The following ZNF787 variants were observed in gnomAD, a reference collection of about 807,000 sequenced individuals.
The protein encoded by ZNF787 is zinc finger protein 787.
Under a neutral mutation model 16.9 loss-of-function variants are expected in ZNF787, and 7 were observed. The ratio of observed to expected loss-of-function variants is 0.42; its 90% confidence interval spans 0.24 to 0.78. The LOEUF is 0.78. Ranked by LOEUF, ZNF787 falls within the 30% of genes least tolerant of loss-of-function variation. The probability of loss-of-function intolerance (pLI) is 0.30; values close to 1 mark genes in which losing one functional copy is unlikely to be tolerated. For missense variants in ZNF787, 551 were observed against 589.3 expected (o/e 0.94, Z 0.67); for synonymous variants, 345 against 270.9 (o/e 1.27, Z -2.69).
At chr19:56,115,300 T>C (rs2030098965) in intron 1 of ZNF787, among the ~76,000 whole-genome samples, 1 of 150,928 alleles carries the variant, frequency 6.6e-6, no homozygotes, top group South Asian at 2.1e-4. Context: ...CGTTGTCCCG[T>C]GCTCTGGCCC....
chr19:56,103,309 A>G, intron 1 of ZNF787, 82 bp from the exon 2 acceptor site: 1 of 1,283,836 alleles, frequency 7.8e-7, no homozygotes, highest in Non-Finnish European at 1.1e-6. Flanking sequence ...GGCAGCCTGC[A>G]GACCCCGGCG....
rs1183477239 is a variant in ZNF787 at position 56,089,105 on chromosome 19, A to G, written c.80-13T>C. 1.4e-6 allele frequency: 2 copies of G among 1,450,352 alleles called. No individual in the cohort carries two copies. Among genetic ancestry groups the G allele is most frequent in the Non-Finnish European group, 1.8e-6 (2 of 1,104,262 alleles). The allele number at this position is 1,450,352 out of a possible 1,614,324, so 89.8% of individuals were successfully genotyped here. Reference sequence around the variant, plus strand: ...ATGAGGATGTCCACTGGAAAGCAAGAGGGTAGGGGGAGGTGAGTCAAGAGA... The same window carrying G: ...ATGAGGATGTCCACTGGAAAGCAAGGGGGTAGGGGGAGGTGAGTCAAGAGA... On this transcript the variant is annotated splice_polypyrimidine_tract_variant and intron_variant, in intron 2 of 2. Transcript: ENST00000610935.
intron 1 of ZNF787, among the ~76,000 whole-genome samples, chr19:56,109,702 A>C (rs775076111): frequency 1.3e-5 from 2 of 152,008 alleles, no homozygotes; most frequent in Non-Finnish European, 2.9e-5. Context: ...TGGCTAACAC[A>C]GTGAAACCCC....
intron 1 of ZNF787, among the ~76,000 whole-genome samples, chr19:56,103,655 C>A (rs973076016): frequency 6.6e-6 from 1 of 152,232 alleles, no homozygotes; most frequent in East Asian, 1.9e-4. Context: ...AGTTCCCACA[C>A]CCCTGGCAGA....
At chr19:56,112,878 T>TTCCCCC in intron 1 of ZNF787, among the ~76,000 whole-genome samples, 1 of 126,468 alleles carries the variant, frequency 7.9e-6, no homozygotes, top group East Asian at 2.5e-4. Context: ...GACCAGCCGT[T>TTCCCCC]CCCCCCACCC....
At chr19:56,110,006 T>G (rs569340716) in intron 1 of ZNF787, among the ~76,000 whole-genome samples, 1 of 152,202 alleles carries the variant, frequency 6.6e-6, no homozygotes, top group Non-Finnish European at 1.5e-5. Flanking sequence ...AGGAATTACA[T>G]AGTGGTGATG....
chr19:56,096,937 A>AC (rs2123400224), intron 2 of ZNF787, among the ~76,000 whole-genome samples: 1 of 151,898 alleles, frequency 6.6e-6, no homozygotes, highest in Admixed American at 6.6e-5. Context: ...CCGGTCCCAC[A>AC]CCCCTCACCC....
chr19:56,089,426 C>T (rs879765940), intron 2 of ZNF787, among the ~76,000 whole-genome samples: 19 of 152,074 alleles, frequency 1.2e-4, no homozygotes, highest in Non-Finnish European at 2.4e-4. Flanking sequence ...AAAAGGACCC[C>T]GAAACCCAAA....
chr19:56,089,333 CCAGA>C (rs1300395512), intron 2 of ZNF787, among the ~76,000 whole-genome samples: 1 of 152,082 alleles, frequency 6.6e-6, no homozygotes, highest in Non-Finnish European at 1.5e-5. Context: ...GAACAATGCC[CCAGA>C]CACAGAAGGC....
intron 1 of ZNF787, among the ~76,000 whole-genome samples, chr19:56,109,443 G>A (rs1295059551): frequency 6.6e-6 from 1 of 152,158 alleles, no homozygotes; most frequent in Admixed American, 6.6e-5. Context: ...CGGGAGCTGA[G>A]GCTGAGAGAC....
At chr19:56,094,941 T>C (rs1010581179) in intron 2 of ZNF787, among the ~76,000 whole-genome samples, 1 of 152,012 alleles carries the variant, frequency 6.6e-6, no homozygotes, top group Non-Finnish European at 1.5e-5. Context: ...TGAAACCCCA[T>C]CTTAACTTAA....
At chr19:56,118,634 C>T (rs1012996241) in intron 1 of ZNF787, among the ~76,000 whole-genome samples, 1 of 152,196 alleles carries the variant, frequency 6.6e-6, no homozygotes, top group Non-Finnish European at 1.5e-5. Flanking sequence ...AGGCACTGGG[C>T]CAGGTTCCTG....
intron 1 of ZNF787, among the ~76,000 whole-genome samples, chr19:56,120,107 G>A (rs1388230869): frequency 1.3e-5 from 2 of 152,174 alleles, no homozygotes; most frequent in Non-Finnish European, 2.9e-5. Flanking sequence ...CTTGGATGGC[G>A]ACTCTGTCGC....
intron 1 of ZNF787, among the ~76,000 whole-genome samples, chr19:56,113,511 G>A (rs1254550038): frequency 2.0e-5 from 3 of 152,198 alleles, no homozygotes; most frequent in East Asian, 1.9e-4. Flanking sequence ...ATCCATGACC[G>A]TAATGGAACA....
At chr19:56,110,800 C>T (rs1198591654) in intron 1 of ZNF787, among the ~76,000 whole-genome samples, 1 of 152,324 alleles carries the variant, frequency 6.6e-6, no homozygotes, top group East Asian at 1.9e-4. Flanking sequence ...CCCTCCACAC[C>T]CCTCCTCTCC....
At chr19:56,116,982 G>A (rs1002372864) in intron 1 of ZNF787, among the ~76,000 whole-genome samples, 2 of 152,172 alleles carry the variant, frequency 1.3e-5, no homozygotes, top group Non-Finnish European at 2.9e-5. Flanking sequence ...ACAATCAGTG[G>A]GAGACAGTGC....
At chr19:56,093,895 C>T (rs1297146031) in intron 2 of ZNF787, among the ~76,000 whole-genome samples, 1 of 152,184 alleles carries the variant, frequency 6.6e-6, no homozygotes, top group Non-Finnish European at 1.5e-5. Flanking sequence ...AAGGGGTGTT[C>T]CTTGAATGAG....
intron 1 of ZNF787, among the ~76,000 whole-genome samples, chr19:56,109,494 G>T (rs1490802902): frequency 6.6e-6 from 1 of 152,208 alleles, no homozygotes; most frequent in Non-Finnish European, 1.5e-5. Flanking sequence ...GCCTCCCCAA[G>T]GATTTTAGTT....
At chr19:56,091,408 G>A (rs1484916935) in intron 2 of ZNF787, among the ~76,000 whole-genome samples, 1 of 152,202 alleles carries the variant, frequency 6.6e-6, no homozygotes, top group East Asian at 1.9e-4. Context: ...AGCTAAGACA[G>A]GGGCACTGGG....
Sources: allele counts gnomAD v4.1 joint callset (sites outside exome capture counted in the v4.1 genomes callset), GRCh38; gene constraint gnomAD v4.1.1; transcripts MANE v1.5; gene names NCBI Gene and HGNC (gene_info 2026-07-23, HGNC 2026-07-21).